MAST4: variants seen among roughly 807,000 people sequenced by gnomAD.
MAST4 encodes the protein microtubule-associated serine/threonine-protein kinase 4.
MAST4 carries 89 observed loss-of-function variants against 162.7 expected under a neutral mutation model. That is an observed-to-expected ratio of 0.55 (90% CI 0.46 to 0.65). MAST4 has a LOEUF of 0.65. Ranked by LOEUF, MAST4 falls within the 30% of genes least tolerant of loss-of-function variation. MAST4 has a pLI of 0.00. For missense variants in MAST4, 3,153 were observed against 3,374.0 expected, an observed-to-expected ratio of 0.93 and a Z score of 1.62; for synonymous variants, 1,479 against 1,361.1, an observed-to-expected ratio of 1.09 and a Z score of -1.91.
chr5:66,968,293 G>T (rs1746998931), intron 4 of MAST4, among the ~76,000 whole-genome samples: 1 of 151,994 alleles, frequency 6.6e-6, no homozygotes, highest in African/African-American at 2.4e-5. Context: ...CTTTTTCTTT[G>T]CATCTCCCTT....
chr5:66,747,349 T>A (rs1037241398), intron 1 of MAST4, among the ~76,000 whole-genome samples: 1 of 152,206 alleles, frequency 6.6e-6, no homozygotes, highest in Non-Finnish European at 1.5e-5. Context: ...ACTTCTTATA[T>A]TTCTATTGAA....
At chr5:66,633,674 C>T (rs1744923499) in intron 1 of MAST4, among the ~76,000 whole-genome samples, 1 of 152,162 alleles carries the variant, frequency 6.6e-6, no homozygotes, top group Non-Finnish European at 1.5e-5. Flanking sequence ...AATACTTTGT[C>T]AAAGCATTCA....
intron 5 of MAST4, among the ~76,000 whole-genome samples, chr5:67,082,774 A>G (rs1762822607): frequency 6.6e-6 from 1 of 152,244 alleles, no homozygotes; most frequent in Non-Finnish European, 1.5e-5. Flanking sequence ...TTATTTAAAT[A>G]GTATTAAAAT....
chr5:66,732,466 G>A (rs147882781), intron 1 of MAST4, among the ~76,000 whole-genome samples: 329 of 152,184 alleles, frequency 2.2e-3, no homozygotes, highest in African/African-American at 6.9e-3. Flanking sequence ...AGAACCACTC[G>A]CTGCATCTTG....
At chr5:67,025,139 G>A (rs1754485529) in intron 4 of MAST4, among the ~76,000 whole-genome samples, 1 of 151,792 alleles carries the variant, frequency 6.6e-6, no homozygotes, top group East Asian at 1.9e-4. Context: ...TGTAATTTCA[G>A]AATAACATTT....
chr5:67,143,875 G>A lies in MAST4; in HGVS notation c.2731-794G>A, dbSNP rs1275793834. ...TTTTCCCACCATCTCCTTTTCTGTA[G>A]CCACTTTCCTGCTATTCCTAGTAGA... is the stretch of plus-strand genomic sequence containing the variant. On this transcript the variant is annotated intron_variant, in intron 21 of 28. Transcript: ENST00000403625. Among the ~76,000 whole-genome samples the A allele has an allele frequency of 6.6e-5, 10 of 152,110 alleles. No homozygotes were observed. The East Asian group carries it at 1.9e-3, about 29-fold the overall frequency.
At chr5:66,769,432 T>A (rs1452561371) in intron 2 of MAST4, among the ~76,000 whole-genome samples, 1 of 152,130 alleles carries the variant, frequency 6.6e-6, no homozygotes, top group Non-Finnish European at 1.5e-5. Context: ...GACTGAAATG[T>A]TAATATAGTC....
chr5:66,983,173 A>G (rs1052267093), intron 4 of MAST4, among the ~76,000 whole-genome samples: 1 of 152,124 alleles, frequency 6.6e-6, no homozygotes, highest in Non-Finnish European at 1.5e-5. Flanking sequence ...TACCTTCTTC[A>G]TTAGGAGGAT....
chr5:66,932,637 T>G (rs143040434), intron 4 of MAST4, among the ~76,000 whole-genome samples: 140 of 152,328 alleles, frequency 9.2e-4, no homozygotes, highest in Non-Finnish European at 1.7e-3. Context: ...ACTGAAGAGA[T>G]GATGAAAGTT....
At position 67,152,659 on chromosome 5, in the gene MAST4, G is replaced by A. The variant is rs1387741506; in HGVS notation, c.3318G>A (p.Leu1106=). The change falls in exon 25 of 29, where the codon CTG becomes CTA. Residue 1106 remains leucine, a synonymous_variant. Transcript: ENST00000403625. ...IPGDMFAVSP[L]GSPMSPHSLS... ...CAGATATGTTTGCTGTTTCCCCTCT[G>A]GGAAGTCCAATGTCTCCCCATTCCC... 1.9e-6 allele frequency: 3 copies of A among 1,613,960 alleles called. No individual in the cohort carries two copies.
chr5:67,145,732 C>G (rs1033762842), intron 23 of MAST4, among the ~76,000 whole-genome samples: 9 of 152,196 alleles, frequency 5.9e-5, no homozygotes. Context: ...TATACAGTTG[C>G]ATCTAACTCA....
intron 1 of MAST4, among the ~76,000 whole-genome samples, chr5:66,740,639 G>C (rs1752432492): frequency 6.6e-6 from 1 of 152,124 alleles, no homozygotes; most frequent in African/African-American, 2.4e-5. Flanking sequence ...ATGTGGAGGT[G>C]GAGGAAGTAG....
intron 4 of MAST4, among the ~76,000 whole-genome samples, chr5:66,931,897 A>G (rs16895983): frequency 0.14 from 21,336 of 152,120 alleles, 2,772 homozygotes; most frequent in African/African-American, 0.35. Context: ...TTAAAAGTAC[A>G]TGGAAGGAGC....
At chr5:66,845,126 T>TATAC (rs1358855625) in intron 3 of MAST4, among the ~76,000 whole-genome samples, 2,228 of 66,588 alleles carry the variant, frequency 0.033, 49 homozygotes, top group Non-Finnish European at 0.041. Flanking sequence ...TATATATATA[T>TATAC]ACACACACAC....
intron 1 of MAST4, among the ~76,000 whole-genome samples, chr5:66,687,593 C>T (rs1340008528): frequency 1.3e-5 from 2 of 149,642 alleles, no homozygotes; most frequent in Admixed American, 1.3e-4. Context: ...TATATATATA[C>T]ATACATATAT....
At chr5:67,084,305 A>G (rs779184008) in intron 5 of MAST4, among the ~76,000 whole-genome samples, 3 of 152,204 alleles carry the variant, frequency 2.0e-5, no homozygotes, top group Non-Finnish European at 2.9e-5. Flanking sequence ...CTTAAAAAGT[A>G]AGTATGTTTA....
intron 1 of MAST4, among the ~76,000 whole-genome samples, chr5:66,737,812 C>T (rs899875175): frequency 6.6e-6 from 1 of 152,138 alleles, no homozygotes; most frequent in African/African-American, 2.4e-5. Context: ...TCAGAGAATT[C>T]CTTAGGACCG....
intron 1 of MAST4, among the ~76,000 whole-genome samples, chr5:66,608,354 C>CTTTT (rs1458041916): frequency 1.1e-5 from 1 of 89,452 alleles, no homozygotes. Flanking sequence ...CTGTGCCTGG[C>CTTTT]CTTTTTTTTT....
intron 2 of MAST4, among the ~76,000 whole-genome samples, chr5:66,768,484 G>A (rs1280494991): frequency 6.6e-6 from 1 of 152,192 alleles, no homozygotes; most frequent in Non-Finnish European, 1.5e-5. Context: ...GATACATGCA[G>A]CAATCTGGAT....
Sources: allele counts gnomAD v4.1 joint callset (sites outside exome capture counted in the v4.1 genomes callset), GRCh38; gene constraint gnomAD v4.1.1; transcripts MANE v1.5; gene names NCBI Gene and HGNC (gene_info 2026-07-23, HGNC 2026-07-21).